NUAK2: variants seen among roughly 807,000 people sequenced by gnomAD.
The protein encoded by NUAK2 is NUAK family SNF1-like kinase 2.
In NUAK2, 20 loss-of-function variants were observed where a neutral mutation model predicts 29.8. The ratio of observed to expected loss-of-function variants is 0.67; its 90% CI spans 0.47 to 0.98. The LOEUF (loss-of-function observed/expected upper bound fraction) is 0.98. Ranked by LOEUF, NUAK2 falls within the 50% of genes least tolerant of loss-of-function variation. The pLI, the probability that NUAK2 is intolerant of heterozygous loss-of-function variation, is 0.00. For synonymous variants in NUAK2, 331 were observed against 342.6 expected, an observed-to-expected ratio of 0.97 and a Z score of 0.37; for missense variants, 719 against 834.5, an observed-to-expected ratio of 0.86 and a Z score of 1.71.
At chr1:205,309,062 G>A (rs1006788866) in intron 2 of NUAK2, among the ~76,000 whole-genome samples, 1 of 151,442 alleles carries the variant, frequency 6.6e-6, no homozygotes, top group Admixed American at 6.6e-5. Flanking sequence ...CAGGCTCCTT[G>A]GTTCAAGAAC....
chr1:205,321,348 G>T, intron 1 of NUAK2, 50 bp downstream of exon 1: 8 of 1,510,670 alleles, frequency 5.3e-6, no homozygotes, highest in Non-Finnish European at 7.1e-6. Flanking sequence ...GCTCCCTGCC[G>T]GCGGCCAAGC....
chr1:205,311,908 G>A, intron 1 of NUAK2, 83 bp from the exon 2 acceptor site: 1 of 1,575,274 alleles, frequency 6.3e-7, no homozygotes, highest in South Asian at 1.1e-5. Flanking sequence ...TTTGCCTGTA[G>A]CTGCTATAAA....
intron 5 of NUAK2, 141 bp downstream of exon 5, chr1:205,306,047 T>A: frequency 8.5e-7 from 1 of 1,173,122 alleles, no homozygotes; most frequent in Non-Finnish European, 1.2e-6. Context: ...GCTAGACACC[T>A]GGCAAGTTAC....
chr1:205,308,782 C>T lies in NUAK2; in HGVS notation c.353-50G>A. On this transcript the variant is annotated intron_variant, in intron 2 of 6. Transcript: ENST00000367157. The surrounding 1 kb of genome is among the most constrained non-coding windows in gnomAD (Gnocchi z 4.1). ...TCAGGCCCTCCCAGAGTGCACTGCT[C>T]TCCACTGGGGGTGACTCACTCCTCC... 1 of 1,599,782 alleles carries T rather than the reference C, an allele frequency of 6.3e-7. No homozygotes were observed. Among genetic ancestry groups the T allele is most frequent in the Non-Finnish European group, 8.5e-7 (1 of 1,171,030 alleles).
chr1:205,304,587 C>T lies in NUAK2; in HGVS notation c.824-74G>A. On this transcript the variant is annotated intron_variant, in intron 6 of 6. Transcript: ENST00000367157. The surrounding 1 kb of genome is among the most constrained non-coding windows in gnomAD (Gnocchi z 6.5). The stretch of plus-strand genomic sequence containing the variant: ...CACTCCCTGTCCCCTGTCCCCAGCT[C>T]ATCCCCTTTTGAGCTATGACACTGC... 7.8e-7 allele frequency: 1 copy of T among 1,274,142 alleles called. No homozygotes were observed. The allele number at this position is 1,274,142 out of a possible 1,614,324, so 78.9% of individuals were successfully genotyped here.
rs199874037 is a variant in NUAK2, at chr1:205,321,583, C to A, written c.46G>T (p.Ala16Ser). ...GCCAGCGGCCGGGCTAGCTCTGCGG[C>A]CGAGGGAGTGGGGCCGGAGCGCCGC... is the stretch of plus-strand genomic sequence containing the variant. ...FARRSGPTPSAAELARPLAEG... is the reference protein window; with the variant it reads ...FARRSGPTPSSAELARPLAEG... The change falls in exon 1 of 7, where the codon GCC (alanine) becomes TCC (serine). Residue 16 changes from alanine (A) to serine (S), a missense_variant. Coordinates refer to ENST00000367157, the MANE Select transcript of NUAK2 (RefSeq NM_030952.3). 9.3e-6 allele frequency: 15 copies of A among 1,612,892 alleles called. No individual in the cohort carries two copies. Among genetic ancestry groups the A allele is most frequent in the African/African-American group, 1.3e-5 (1 of 74,940 alleles).
chr1:205,316,233 T>C (rs1311360191), intron 1 of NUAK2, among the ~76,000 whole-genome samples: 5 of 152,240 alleles, frequency 3.3e-5, no homozygotes, highest in African/African-American at 9.6e-5. Context: ...CTGGTTTTCA[T>C]GTCCTCATCT....
intron 1 of NUAK2, among the ~76,000 whole-genome samples, chr1:205,317,587 CAT>C (rs1387472292): frequency 2.0e-5 from 3 of 152,316 alleles, no homozygotes. Flanking sequence ...CCCTCCTTGC[CAT>C]CCTCCAGCCC....
At position 205,308,228 on chromosome 1, in the gene NUAK2, G is replaced by A. The variant is rs775165171; in HGVS notation, c.507C>T (p.Asn169=). ...GCTTGAGATCTCGGTGGACAACTCTGTTCTGAAAGAAGGAGAGGGCAGTCA... is the reference window on the plus strand; with the variant it reads ...GCTTGAGATCTCGGTGGACAACTCTATTCTGAAAGAAGGAGAGGGCAGTCA... ...IVSAVHYCHQ[N]RVVHRDLKLE... is the part of the protein sequence containing the mutation. Residue 169 remains asparagine, a splice_region_variant and synonymous_variant, in exon 4 of 7, where the codon AAC becomes AAT. Coordinates refer to ENST00000367157, the MANE Select transcript of NUAK2 (RefSeq NM_030952.3). This position sits in a 1 kb window ranked among gnomAD's most constrained non-coding sequence, Gnocchi z 4.1. 7.5e-6 allele frequency: 12 copies of A among 1,598,024 alleles called. No homozygotes were observed. In the African/African-American group the frequency reaches 1.2e-4, roughly 16 times the overall value.
intron 6 of NUAK2, 130 bp downstream of exon 6, chr1:205,305,069 T>G (rs1662160194): frequency 8.6e-7 from 1 of 1,169,070 alleles, no homozygotes; most frequent in Admixed American, 2.3e-5. Context: ...CGGTGGAGGG[T>G]ACCCTAACCT....
At chr1:205,311,121 G>C (rs1184181603) in intron 2 of NUAK2, among the ~76,000 whole-genome samples, 1 of 152,142 alleles carries the variant, frequency 6.6e-6, no homozygotes, top group African/African-American at 2.4e-5. Context: ...TGGGGAGGAG[G>C]GCAGCTGGAG....
chr1:205,319,926 C>T (rs1005691230), intron 1 of NUAK2, among the ~76,000 whole-genome samples: 7 of 149,778 alleles, frequency 4.7e-5, no homozygotes, highest in Non-Finnish European at 8.9e-5. Context: ...GCAAACCATA[C>T]ACACACACAC....
At position 205,321,678 on chromosome 1, in the gene NUAK2, G is replaced by T. The variant is rs192539127; in HGVS notation, c.-50C>A. On this transcript the variant is annotated 5_prime_UTR_variant, in exon 1 of 7. Transcript: ENST00000367157. ...GGCAGGGGAATCAGTAGGCTGTGCG[G>T]GGAGGGCTGAAGCGCGGGGCACAGG... 1 of 1,508,480 alleles carries T rather than the reference G, an allele frequency of 6.6e-7. No individual in the cohort carries two copies. Among genetic ancestry groups the T allele is most frequent in the Admixed American group, 1.8e-5 (1 of 54,140 alleles). 93.4% of individuals were successfully genotyped at this position (1,508,480 alleles called of 1,614,324 possible). A position where few individuals can be genotyped will look rare whatever the true frequency, so the allele number is the denominator to read the frequency against.
chr1:205,311,949 C>T, intron 1 of NUAK2, 124 bp from the exon 2 acceptor site: 4 of 1,232,640 alleles, frequency 3.2e-6, no homozygotes, highest in South Asian at 1.4e-5. Flanking sequence ...GAAGCCACTC[C>T]ATCCTTCACC....
chr1:205,307,411 C>T (rs1282957950), intron 4 of NUAK2, among the ~76,000 whole-genome samples: 2 of 152,200 alleles, frequency 1.3e-5, no homozygotes, highest in Admixed American at 1.3e-4. Flanking sequence ...AAAGCCCCAC[C>T]TGCTCCGGGA....
intron 5 of NUAK2, 130 bp downstream of exon 5, chr1:205,306,058 T>C: frequency 7.8e-7 from 1 of 1,286,082 alleles, no homozygotes; most frequent in South Asian, 1.5e-5. Context: ...GGCAAGTTAC[T>C]ACTTTTTGGG....
At chr1:205,320,555 C>T (rs1442815815) in intron 1 of NUAK2, among the ~76,000 whole-genome samples, 1 of 152,228 alleles carries the variant, frequency 6.6e-6, no homozygotes, top group African/African-American at 2.4e-5. Context: ...TGAGCCACCG[C>T]GCCCGGCTAT....
rs750266583 is a variant in NUAK2 at position 205,311,865 on chromosome 1, C to A, written c.232-40G>T. 3.7e-6 allele frequency: 6 copies of A among 1,610,510 alleles called. No individual in the cohort carries two copies. In the Admixed American group the frequency reaches 1.0e-4, roughly 27 times the overall value. Reference sequence around the variant, plus strand: ...CATGAGAGTGAGGAGAAAGGTTTGGCAGAGGACACTCTGGGGGCCCTGGTC... The same window carrying A: ...CATGAGAGTGAGGAGAAAGGTTTGGAAGAGGACACTCTGGGGGCCCTGGTC... On this transcript the variant is annotated intron_variant, in intron 1 of 6. Transcript: ENST00000367157.
chr1:205,309,041 G>T (rs1662221193), intron 2 of NUAK2, among the ~76,000 whole-genome samples: 1 of 151,612 alleles, frequency 6.6e-6, no homozygotes, highest in South Asian at 2.1e-4. Flanking sequence ...CACTAGATGG[G>T]AATGAAAGGC....
Sources: allele counts gnomAD v4.1 joint callset (sites outside exome capture counted in the v4.1 genomes callset), GRCh38; gene constraint gnomAD v4.1.1; non-coding constraint Gnocchi (gnomAD v3.1); transcripts MANE v1.5; gene names NCBI Gene and HGNC (gene_info 2026-07-23, HGNC 2026-07-21).